UPP2: variants seen among roughly 807,000 people sequenced by gnomAD.
UPP2 encodes the protein UPase 2.
In UPP2, 23 loss-of-function variants were observed where a neutral mutation model predicts 26.7. The ratio of observed to expected loss-of-function variants is 0.86; its 90% CI spans 0.62 to 1.22. The LOEUF (loss-of-function observed/expected upper bound fraction) is 1.22, where lower values mean the gene tolerates loss of function less well. Among genes scored for constraint, UPP2 ranks in the 50% most tolerant of loss-of-function variants. The pLI, the probability that UPP2 is intolerant of heterozygous loss-of-function variation, is 0.00. For missense variants in UPP2, 387 were observed against 396.7 expected (o/e 0.98, Z 0.21); for synonymous variants, 127 against 141.3 (o/e 0.90, Z 0.72).
intron 3 of UPP2, among the ~76,000 whole-genome samples, chr2:158,093,479 T>C (rs1360533172): frequency 6.6e-6 from 1 of 152,066 alleles, no homozygotes; most frequent in African/African-American, 2.4e-5. Context: ...GGACAATATA[T>C]ATAACCAACA....
intron 3 of UPP2, among the ~76,000 whole-genome samples, chr2:158,053,426 T>C (rs1682190792): frequency 6.6e-6 from 1 of 152,190 alleles, no homozygotes; most frequent in South Asian, 2.1e-4. Context: ...AGACTCGTGA[T>C]CATGGTTATC....
rs1195688558 is a variant in UPP2 at position 158,047,181 on chromosome 2, C to T, written c.147+31295C>T. 2.0e-5 allele frequency among the ~76,000 whole-genome samples: 3 copies of T among 152,304 alleles called. No homozygotes were observed. The East Asian group carries it at 5.8e-4, about 29-fold the overall frequency. ...CCACCCAAAAGCAAATTCAGGGTGT[C>T]CTGTGGTGCATTTCCTACCTCATAA... On this transcript the variant is annotated intron_variant, in intron 3 of 9. Transcript: ENST00000605860.
chr2:158,047,518 A>C (rs1409144191), intron 3 of UPP2, among the ~76,000 whole-genome samples: 2 of 152,150 alleles, frequency 1.3e-5, no homozygotes. Flanking sequence ...ATTGTTCTCT[A>C]CTCAGAAATA....
At chr2:158,008,981 C>T (rs140573427) in intron 2 of UPP2, among the ~76,000 whole-genome samples, 373 of 152,194 alleles carry the variant, frequency 2.5e-3, no homozygotes, top group African/African-American at 8.5e-3. Flanking sequence ...GCTTTTTCTC[C>T]CCTCTTTAAT....
At chr2:158,012,973 ATATT>A (rs1683603642) in intron 2 of UPP2, among the ~76,000 whole-genome samples, 1 of 152,120 alleles carries the variant, frequency 6.6e-6, no homozygotes, top group Admixed American at 6.5e-5. Context: ...CCATTGTTGA[ATATT>A]TAGATTGTTT....
At chr2:158,045,701 A>G (rs1273726476) in intron 3 of UPP2, among the ~76,000 whole-genome samples, 1 of 152,158 alleles carries the variant, frequency 6.6e-6, no homozygotes, top group African/African-American at 2.4e-5. Flanking sequence ...GGGGAGTTCT[A>G]TTTCTCAGTA....
At chr2:158,089,503 C>T (rs1682872125) in intron 3 of UPP2, among the ~76,000 whole-genome samples, 1 of 152,210 alleles carries the variant, frequency 6.6e-6, no homozygotes, top group African/African-American at 2.4e-5. Flanking sequence ...CCACCCCCGA[C>T]CCCAACTTCT....
chr2:158,122,769 T>C (rs1326926121), intron 5 of UPP2, among the ~76,000 whole-genome samples: 1 of 152,178 alleles, frequency 6.6e-6, no homozygotes, highest in Non-Finnish European at 1.5e-5. Context: ...TGGGGCTACA[T>C]TTGCTGAAGG....
At chr2:158,052,549 T>C (rs1162851058) in intron 3 of UPP2, among the ~76,000 whole-genome samples, 1 of 152,214 alleles carries the variant, frequency 6.6e-6, no homozygotes, top group African/African-American at 2.4e-5. Context: ...ATATGGGTAT[T>C]GAATGACTGA....
chr2:158,072,262 A>G (rs1682554822), intron 3 of UPP2, among the ~76,000 whole-genome samples: 1 of 152,152 alleles, frequency 6.6e-6, no homozygotes, highest in Non-Finnish European at 1.5e-5. Flanking sequence ...AAGGGAGGGA[A>G]GAACAGGAAA....
chr2:158,102,938 C>T (rs1192380169), intron 1 of UPP2, among the ~76,000 whole-genome samples: 2 of 152,258 alleles, frequency 1.3e-5, no homozygotes, highest in East Asian at 3.9e-4. Context: ...TCAGCCAGCA[C>T]TTTCTTTTGG....
chr2:158,000,467 G>A (rs1006317288), intron 2 of UPP2, among the ~76,000 whole-genome samples: 2 of 152,218 alleles, frequency 1.3e-5, no homozygotes, highest in African/African-American at 4.8e-5. Context: ...AGTAGCAAAT[G>A]AGGTCATCTC....
chr2:158,117,437 T>C (rs1683463390), intron 3 of UPP2, among the ~76,000 whole-genome samples: 1 of 151,994 alleles, frequency 6.6e-6, no homozygotes, highest in Non-Finnish European at 1.5e-5. Context: ...GCAACCAAAA[T>C]TATATTTCCT....
At chr2:158,058,804 T>C (rs1418173773) in intron 3 of UPP2, among the ~76,000 whole-genome samples, 2 of 152,072 alleles carry the variant, frequency 1.3e-5, no homozygotes, top group Non-Finnish European at 2.9e-5. Context: ...AGAAAGATAT[T>C]AGACACCAAG....
chr2:158,113,688 G>A (rs769004179), intron 2 of UPP2, among the ~76,000 whole-genome samples: 6 of 152,150 alleles, frequency 3.9e-5, no homozygotes, highest in Admixed American at 6.5e-5. Flanking sequence ...TGTGAATGGG[G>A]CCGCCTATTC....
chr2:158,060,212 C>A (rs1402680890), intron 3 of UPP2, among the ~76,000 whole-genome samples: 1 of 152,088 alleles, frequency 6.6e-6, no homozygotes, highest in Admixed American at 6.5e-5. Flanking sequence ...AGTTTTATAT[C>A]TGGACTCAGT....
intron 2 of UPP2, among the ~76,000 whole-genome samples, chr2:158,107,102 TATTTTGTAACTAAAG>T (rs1341610207): frequency 6.6e-6 from 1 of 152,230 alleles, no homozygotes; most frequent in Non-Finnish European, 1.5e-5. Context: ...ATCAAATGAA[TATTTTGTAACTAAAG>T]ATTTTCTACA....
chr2:158,122,721 T>G (rs1683597202), intron 5 of UPP2, among the ~76,000 whole-genome samples: 1 of 152,216 alleles, frequency 6.6e-6, no homozygotes, highest in Non-Finnish European at 1.5e-5. Flanking sequence ...TGTACACCAG[T>G]ATATGCATGA....
intron 6 of UPP2, among the ~76,000 whole-genome samples, chr2:158,128,222 C>T (rs1333327374): frequency 1.3e-5 from 2 of 152,176 alleles, no homozygotes; most frequent in African/African-American, 4.8e-5. Context: ...TTTCCTTGGA[C>T]AGACACTGGT....
Sources: allele counts gnomAD v4.1 joint callset (sites outside exome capture counted in the v4.1 genomes callset), GRCh38; gene constraint gnomAD v4.1.1; transcripts MANE v1.5; gene names NCBI Gene and HGNC (gene_info 2026-07-23, HGNC 2026-07-21).